Variants in SP140 observed in about 807,000 individuals in gnomAD.
SP140 encodes the protein nuclear body protein SP140.
In SP140, 81 loss-of-function variants were observed where a neutral mutation model predicts 125.0. The observed-to-expected ratio is 0.65, with a 90% CI of 0.54 to 0.78. SP140 has a LOEUF of 0.78. Among genes scored for constraint, SP140 ranks in the 30% least tolerant of loss-of-function variants. The pLI is 0.00. For missense variants in SP140, 858 were observed against 1,037.0 expected (o/e 0.83, Z 2.37); for synonymous variants, 312 against 354.0 (o/e 0.88, Z 1.33).
At chr2:230,250,410 A>T (rs1378017298) in intron 9 of SP140, among the ~76,000 whole-genome samples, 1 of 151,990 alleles carries the variant, frequency 6.6e-6, no homozygotes, top group Non-Finnish European at 1.5e-5. Flanking sequence ...CAATGATCTG[A>T]TCTTTCTTTT....
At chr2:230,297,335 C>G (rs2057834445) in intron 21 of SP140, 86 bp from the exon 22 acceptor site, 1 of 1,486,330 alleles carries the variant, frequency 6.7e-7, no homozygotes, top group Non-Finnish European at 9.2e-7. Context: ...TGAATCCCTT[C>G]AAAGAATACT....
In SP140 at chr2:230,237,396, GA is replaced by G. The variant is rs1180215841; in HGVS notation, c.237+138del. 8.4e-6 allele frequency: 6 copies of G among 710,208 alleles called. No individual in the cohort carries two copies. Among genetic ancestry groups the G allele is most frequent in the Admixed American group, 3.1e-5 (1 of 32,530 alleles). The allele number at this position is 710,208 out of a possible 1,614,324, so 44.0% of individuals were successfully genotyped here. On this transcript the variant is annotated intron_variant, in intron 2 of 26. Transcript: ENST00000392045. The surrounding 1 kb of genome is among the most constrained non-coding windows in gnomAD (Gnocchi z 5.4). ...TTCTGTAGGTTAGGAGGTGACAGGA[GA>G]AGCAGGCATCACAGAAAACCTCCCT...
At chr2:230,213,152 C>T (rs1024720256) in intron 1 of SP140, 27 of 931,500 alleles carry the variant, frequency 2.9e-5, no homozygotes, top group East Asian at 1.7e-4. Flanking sequence ...CCCCCAGGTG[C>T]AGAGAACTGA....
chr2:230,243,758 A>G lies in SP140; in HGVS notation c.518A>G (p.Asp173Gly). Residue 173 changes from aspartate to glycine, a missense_variant, in exon 5 of 27, where the codon GAT becomes GGT. Physicochemically the swap from Asp to Gly is moderately conservative, Grantham distance 94. Around this residue, in one of 4 missense-constraint regions of SP140, gnomAD observed 791 missense variants for 869.5 expected, o/e 0.91. Transcript: ENST00000392045. The stretch of plus-strand genomic sequence containing the variant: ...AACAGCAATGCCTGTCATGAAATGG[A>G]TGATATAGCAGTGCCTCAGGAAGCC... The part of the protein sequence containing the change: ...QENSNACHEM[D>G]DIAVPQEALS... 6.2e-7 allele frequency: 1 copy of G among 1,612,950 alleles called. No homozygotes were observed. The highest frequency in any genetic ancestry group is 8.5e-7 in the Non-Finnish European group (1 of 1,179,318).
chr2:230,272,421 G>A (rs905590525), intron 15 of SP140, among the ~76,000 whole-genome samples: 6 of 152,136 alleles, frequency 3.9e-5, no homozygotes, highest in Non-Finnish European at 7.4e-5. Context: ...GGGACCCAGT[G>A]GCAGGTAATT....
At chr2:230,196,802 T>G in the SP140 span, among the ~76,000 whole-genome samples, 4 of 152,150 alleles carry the variant, frequency 2.6e-5, no homozygotes, top group African/African-American at 9.7e-5. Flanking sequence ...GTTTGGTTTT[T>G]TGTCCTTGCA....
chr2:230,314,130 A>T (rs1403558950), downstream of SP140, among the ~76,000 whole-genome samples: 1 of 152,204 alleles, frequency 6.6e-6, no homozygotes, highest in Non-Finnish European at 1.5e-5. Flanking sequence ...TGTCAAGGCC[A>T]TGAAACTCAG....
chr2:230,216,888 G>A, intron 3 of SP140: 1 of 1,613,974 alleles, frequency 6.2e-7, no homozygotes, highest in Non-Finnish European at 8.5e-7. Flanking sequence ...ATGAAGTGCT[G>A]AAAAAGAGCC....
At chr2:230,306,025 C>T (rs1181409843) in intron 22 of SP140, among the ~76,000 whole-genome samples, 1 of 152,216 alleles carries the variant, frequency 6.6e-6, no homozygotes, top group African/African-American at 2.4e-5. Flanking sequence ...ATCACCCCTG[C>T]ACCAGATGCT....
At chr2:230,286,306 A>C (rs1559332494) in intron 17 of SP140, among the ~76,000 whole-genome samples, 1 of 152,202 alleles carries the variant, frequency 6.6e-6, no homozygotes, top group Non-Finnish European at 1.5e-5. Context: ...TGTCTTCCCC[A>C]GTTTAAAGCA....
chr2:230,310,654 C>T, intron 23 of SP140, 89 bp from the exon 24 acceptor site: 7 of 1,520,634 alleles, frequency 4.6e-6, no homozygotes, highest in Non-Finnish European at 6.3e-6. Flanking sequence ...AGCCCATCAG[C>T]CATTCCTGAA....
chr2:230,238,935 A>C (rs2149116643), intron 3 of SP140: 1 of 1,544,708 alleles, frequency 6.5e-7, no homozygotes, highest in South Asian at 1.2e-5. Flanking sequence ...GTTGAATTGC[A>C]GACTGTGGGA....
At chr2:230,225,702 C>T, upstream of SP140, 1 of 720,484 alleles carries the variant, frequency 1.4e-6, no homozygotes, top group South Asian at 1.5e-5. Context: ...AGAGTTGGTG[C>T]ACCCACGTCA....
chr2:230,238,608 A>G, intron 3 of SP140: 1 of 782,314 alleles, frequency 1.3e-6, no homozygotes, highest in South Asian at 1.8e-5. Flanking sequence ...ATGGTTGCTC[A>G]GCCAGGACTT....
intron 22 of SP140, 81 bp from the exon 23 acceptor site, chr2:230,309,843 C>G (rs1001777938): frequency 5.1e-5 from 72 of 1,401,584 alleles, no homozygotes; most frequent in Non-Finnish European, 6.6e-5. Context: ...CACACAAAGG[C>G]AGTGTGTTCT....
At chr2:230,298,371 G>T (rs1417526512) in intron 22 of SP140, among the ~76,000 whole-genome samples, 5 of 152,162 alleles carry the variant, frequency 3.3e-5, no homozygotes, top group African/African-American at 1.2e-4. Flanking sequence ...ACAGAGGAGG[G>T]ATGCTCAAAT....
In SP140 at chr2:230,270,637, G is replaced by T; in HGVS notation, c.1496G>T (p.Arg499Ile). 1 of 1,605,388 alleles carries T rather than the reference G, an allele frequency of 6.2e-7. No individual in the cohort carries two copies. Among genetic ancestry groups the T allele is most frequent in the South Asian group, 1.1e-5 (1 of 90,648 alleles). Reference protein sequence around the residue: ...NSTLGKPKRKRRKKRGHGWSR... With the variant: ...NSTLGKPKRKIRKKRGHGWSR... ...ACTTTGGGAAAACCCAAGAGGAAAA[G>T]AAGTAAGAATAAATAAGAATTTATT... Residue 499 changes from arginine to isoleucine, a missense_variant and splice_region_variant, in exon 15 of 27, where the codon AGA (arginine) becomes ATA (isoleucine). Arg to Ile is a moderately conservative substitution (Grantham distance 97). Transcript: ENST00000392045.
chr2:230,223,092 T>A (rs534088006), upstream of SP140, among the ~76,000 whole-genome samples: 1 of 151,520 alleles, frequency 6.6e-6, no homozygotes, highest in South Asian at 2.1e-4. Flanking sequence ...GCTAGAGTGC[T>A]GTGGCGCAAT....
rs11323886 is a variant in SP140, at chr2:230,226,762, C to CAAAAAAAAAAAAAA, written c.59+865_59+878dup. ...GGGCAACAAGAGTGAAATTCCATCT[C>CAAAAAAAAAAAAAA]AAAAAAAAAAAAAAAAAAAGACAAG... On this transcript the variant is annotated intron_variant, in intron 1 of 26. Coordinates refer to ENST00000392045, the MANE Select transcript of SP140 (RefSeq NM_007237.5). 5.0e-3 allele frequency among the ~76,000 whole-genome samples: 468 copies of CAAAAAAAAAAAAAA among 94,122 alleles called. 4 individuals are homozygous for CAAAAAAAAAAAAAA. Among genetic ancestry groups the CAAAAAAAAAAAAAA allele is most frequent in the Middle Eastern group, 0.024 (4 of 168 alleles). The allele number at this position is 94,122 out of a possible 152,430, so 61.7% of individuals were successfully genotyped here. A position where few individuals can be genotyped will look rare whatever the true frequency, so the allele number is the denominator to read the frequency against.
Sources: allele counts gnomAD v4.1 joint callset (sites outside exome capture counted in the v4.1 genomes callset), GRCh38; gene constraint gnomAD v4.1.1; regional missense constraint gnomAD v4.1.1; non-coding constraint Gnocchi (gnomAD v3.1); transcripts MANE v1.5; gene names NCBI Gene and HGNC (gene_info 2026-07-23, HGNC 2026-07-21).